The following DEPDC7 variants were observed in gnomAD, a reference collection of about 807,000 sequenced individuals.
The protein encoded by DEPDC7 is DEP domain-containing protein 7.
A neutral mutation model predicts 56.6 loss-of-function variants in DEPDC7; 41 were observed. The ratio of observed to expected loss-of-function variants is 0.72; its 90% CI spans 0.56 to 0.94. DEPDC7 has a LOEUF of 0.94. Ranked by LOEUF, DEPDC7 falls within the 40% of genes least tolerant of loss-of-function variation. DEPDC7 has a pLI of 0.00. For missense variants in DEPDC7, 522 were observed against 596.3 expected (o/e 0.88, Z 1.30); for synonymous variants, 185 against 208.8 (o/e 0.89, Z 0.98).
chr11:33,016,562 A>C, intron 1 of DEPDC7: 2 of 1,614,176 alleles, frequency 1.2e-6, no homozygotes, highest in Non-Finnish European at 1.7e-6. Flanking sequence ...TGTGAGTTCT[A>C]CTGGCAGGAA....
At position 33,019,878 on chromosome 11, in the gene DEPDC7, C is replaced by CT. The variant is rs77915754; in HGVS notation, c.73+3868dup. Among the ~76,000 whole-genome samples, 359 of 128,758 alleles carry CT rather than the reference C, an allele frequency of 2.8e-3. 1 individual carries two copies. Among genetic ancestry groups the CT allele is most frequent in the South Asian group, 6.7e-3 (27 of 4,000 alleles). The allele number at this position is 128,758 out of a possible 152,430, so 84.5% of individuals were successfully genotyped here. A position where few individuals can be genotyped will look rare whatever the true frequency, so the allele number is the denominator to read the frequency against. ...AACATCAACTGTCTGGATTCAGTTCCTTTTTTTTTTTTTTTTTTAAGTCCA... is the reference window on the plus strand; with the variant it reads ...AACATCAACTGTCTGGATTCAGTTCCTTTTTTTTTTTTTTTTTTTAAGTCCA... On this transcript the variant is annotated intron_variant, in intron 1 of 8. Transcript: ENST00000241051.
At chr11:33,032,829 AATAG>A in intron 7 of DEPDC7, 36 bp downstream of exon 7, 1 of 1,587,228 alleles carries the variant, frequency 6.3e-7, no homozygotes, top group Non-Finnish European at 8.6e-7. Flanking sequence ...GAGCTTATGT[AATAG>A]ATCACTAGAT....
At chr11:33,026,808 G>A (rs1853583721) in intron 2 of DEPDC7, 1 of 128,298 alleles carries the variant, frequency 7.8e-6, no homozygotes, top group African/African-American at 3.3e-5. Context: ...TTTTCCTGTG[G>A]AGACGGAATC....
intron 1 of DEPDC7, among the ~76,000 whole-genome samples, chr11:33,019,237 G>GT (rs1435389141): frequency 6.6e-6 from 1 of 152,150 alleles, no homozygotes; most frequent in Non-Finnish European, 1.5e-5. Flanking sequence ...ATTGTAAGAT[G>GT]TTTAGTAGCA....
chr11:33,023,270 G>A (rs1853541675), intron 1 of DEPDC7, among the ~76,000 whole-genome samples: 1 of 151,628 alleles, frequency 6.6e-6, no homozygotes, highest in Admixed American at 6.6e-5. Context: ...TTAAACCAAC[G>A]TTATAATAAT....
At chr11:33,017,780 G>A (rs1325429696) in intron 1 of DEPDC7, among the ~76,000 whole-genome samples, 2 of 152,160 alleles carry the variant, frequency 1.3e-5, no homozygotes, top group East Asian at 1.9e-4. Context: ...CCTTAAAGGG[G>A]CTGTAATGAC....
intron 1 of DEPDC7, 178 bp downstream of exon 1, chr11:33,016,206 C>A (rs891300049): frequency 7.8e-7 from 1 of 1,279,500 alleles, no homozygotes; most frequent in South Asian, 3.1e-5. Context: ...GCGGGCGGAT[C>A]GAGTTCCTCT....
At chr11:33,024,364 A>G (rs1239036051) in intron 1 of DEPDC7, among the ~76,000 whole-genome samples, 2 of 152,226 alleles carry the variant, frequency 1.3e-5, no homozygotes, top group African/African-American at 2.4e-5. Flanking sequence ...TATTTAACTC[A>G]TAAGCCTGCA....
chr11:33,019,005 T>A (rs1853494976), intron 1 of DEPDC7, among the ~76,000 whole-genome samples: 1 of 152,192 alleles, frequency 6.6e-6, no homozygotes, highest in African/African-American at 2.4e-5. Context: ...AGTTAGGCAG[T>A]TTGCCCAAGA....
intron 1 of DEPDC7, among the ~76,000 whole-genome samples, chr11:33,017,124 C>T (rs1853472554): frequency 6.6e-6 from 1 of 152,126 alleles, no homozygotes; most frequent in South Asian, 2.1e-4. Flanking sequence ...TTGTCCTTTT[C>T]TAAGAAAAAT....
chr11:33,025,293 C>T (rs1853566028), intron 1 of DEPDC7, among the ~76,000 whole-genome samples: 1 of 152,174 alleles, frequency 6.6e-6, no homozygotes, highest in Admixed American at 6.5e-5. Flanking sequence ...AACCTTATCA[C>T]ACAGGTCTAT....
At position 33,028,638 on chromosome 11, in the gene DEPDC7, C is replaced by T. The variant is rs749658035; in HGVS notation, c.628C>T (p.Arg210Cys). Residue 210 changes from arginine (R) to cysteine (C), a missense_variant, in exon 4 of 9, where the codon CGT (arginine) becomes TGT (cysteine). Arg to Cys is a radical substitution (Grantham distance 180, BLOSUM62 -3). Transcript: ENST00000241051. ...AGTGTGGCAAGAAGAAACAATTGGGCGTCTACTACAACTTGTAGACCTTCC... is the reference window on the plus strand; with the variant it reads ...AGTGTGGCAAGAAGAAACAATTGGGTGTCTACTACAACTTGTAGACCTTCC... The part of the protein sequence containing the change: ...NEVWQEETIG[R>C]LLQLVDLPLL... 62 of 1,601,780 alleles carry T rather than the reference C, an allele frequency of 3.9e-5. No individual in the cohort carries two copies. The highest frequency in any genetic ancestry group is 4.6e-5 in the Non-Finnish European group (54 of 1,176,860).
At chr11:33,024,650 T>C (rs1483868834) in intron 1 of DEPDC7, among the ~76,000 whole-genome samples, 12 of 152,228 alleles carry the variant, frequency 7.9e-5, no homozygotes, top group Non-Finnish European at 1.0e-4. Context: ...TGTAAGCAAT[T>C]GTAACACAAT....
At chr11:33,031,678 T>A (rs1248544915) in intron 5 of DEPDC7, 89 bp downstream of exon 5, 1 of 1,020,880 alleles carries the variant, frequency 9.8e-7, no homozygotes, top group African/African-American at 1.6e-5. Flanking sequence ...ATAGTACTAC[T>A]ACAAGCTGGG....
chr11:33,020,533 G>A (rs1237814804), intron 1 of DEPDC7, among the ~76,000 whole-genome samples: 1 of 152,080 alleles, frequency 6.6e-6, no homozygotes, highest in Non-Finnish European at 1.5e-5. Flanking sequence ...TATCTGGTAG[G>A]GTCAAATTTG....
chr11:33,029,199 T>G (rs1261923157), intron 4 of DEPDC7, among the ~76,000 whole-genome samples: 2 of 151,300 alleles, frequency 1.3e-5, no homozygotes, highest in Non-Finnish European at 2.9e-5. Flanking sequence ...ACTAGTTGTA[T>G]TAAAGAAATA....
chr11:33,033,328 A>G lies in DEPDC7; in HGVS notation c.1409A>G (p.Asp470Gly). ...AACAATACAGAGAAGACAACCAAAG[A>G]TGAGCTGTTGAATTTACTAAAAACT... The part of the protein sequence containing the change: ...YSNNTEKTTK[D>G]ELLNLLKTLD... The change falls in exon 9 of 9, where the codon GAT (aspartate) becomes GGT (glycine). Residue 470 changes from aspartate (D) to glycine (G), a missense_variant. By Grantham distance (94) the Asp-to-Gly change is moderately conservative (BLOSUM62 -1). Coordinates refer to ENST00000241051, the MANE Select transcript of DEPDC7 (RefSeq NM_001077242.2). The G allele has an allele frequency of 1.2e-6, 2 of 1,609,558 alleles. No individual in the cohort carries two copies. Among genetic ancestry groups the G allele is most frequent in the Non-Finnish European group, 1.7e-6 (2 of 1,178,592 alleles).
At position 33,028,588 on chromosome 11, in the gene DEPDC7, A is replaced by G; in HGVS notation, c.593-15A>G. ...ATTAATTGTTACTTTTCACCTTGTCATTTTTCCTGTGTAGTTATTAATGAA... is the reference window on the plus strand; with the variant it reads ...ATTAATTGTTACTTTTCACCTTGTCGTTTTTCCTGTGTAGTTATTAATGAA... On this transcript the variant is annotated splice_polypyrimidine_tract_variant and intron_variant, in intron 3 of 8. Transcript: ENST00000241051. 2 of 1,564,862 alleles carry G rather than the reference A, an allele frequency of 1.3e-6. No individual in the cohort carries two copies. The highest frequency in any genetic ancestry group is 1.7e-6 in the Non-Finnish European group (2 of 1,159,304).
At chr11:33,019,160 C>A (rs1471023904) in intron 1 of DEPDC7, among the ~76,000 whole-genome samples, 5 of 152,148 alleles carry the variant, frequency 3.3e-5, no homozygotes, top group African/African-American at 1.2e-4. Context: ...GAACAGTATT[C>A]AGTCAACCCA....
Sources: allele counts gnomAD v4.1 joint callset (sites outside exome capture counted in the v4.1 genomes callset), GRCh38; gene constraint gnomAD v4.1.1; transcripts MANE v1.5; gene names NCBI Gene and HGNC (gene_info 2026-07-23, HGNC 2026-07-21).